The following CDH13 variants were observed in gnomAD, a reference collection of about 807,000 sequenced individuals.
The protein encoded by CDH13 is cadherin 13.
In CDH13, 24 loss-of-function variants were observed where a neutral mutation model predicts 63.8. The observed-to-expected ratio is 0.38, with a 90% CI of 0.27 to 0.53. The LOEUF (loss-of-function observed/expected upper bound fraction) is 0.53. Among genes scored for constraint, CDH13 ranks in the 20% least tolerant of loss-of-function variants. The pLI, the probability that CDH13 is intolerant of heterozygous loss-of-function variation, is 0.85. For synonymous variants in CDH13, 503 were observed against 355.3 expected (o/e 1.42, Z -4.67); for missense variants, 1,049 against 903.1 (o/e 1.16, Z -2.07).
chr16:82,741,540 TG>T (rs374731981), intron 1 of CDH13, among the ~76,000 whole-genome samples: 12 of 152,308 alleles, frequency 7.9e-5, no homozygotes, highest in Admixed American at 2.0e-4. Context: ...TCCTTGAAGA[TG>T]GGGGTCCATG....
At chr16:82,785,495 A>G (rs2035961103) in intron 1 of CDH13, among the ~76,000 whole-genome samples, 1 of 152,224 alleles carries the variant, frequency 6.6e-6, no homozygotes, top group Non-Finnish European at 1.5e-5. Flanking sequence ...TGTCCGCAGC[A>G]GGCAGTTCTA....
intron 1 of CDH13, among the ~76,000 whole-genome samples, chr16:82,652,458 T>C (rs1482795084): frequency 6.6e-6 from 1 of 152,234 alleles, no homozygotes; most frequent in Non-Finnish European, 1.5e-5. Context: ...GGTTTGAAGA[T>C]AGACAGGTGG....
chr16:82,904,734 T>TAACG (rs1379884636), intron 2 of CDH13, among the ~76,000 whole-genome samples: 1 of 152,156 alleles, frequency 6.6e-6, no homozygotes, highest in African/African-American at 2.4e-5. Context: ...GAAGCAGGTT[T>TAACG]AACGGGTGGT....
chr16:83,241,432 T>C (rs1311287096), intron 5 of CDH13, among the ~76,000 whole-genome samples: 1 of 152,248 alleles, frequency 6.6e-6, no homozygotes, highest in Admixed American at 6.5e-5. Context: ...GATTGTGCTA[T>C]TTTATATTCT....
chr16:82,881,852 C>T (rs143913126), intron 2 of CDH13, among the ~76,000 whole-genome samples: 1 of 152,130 alleles, frequency 6.6e-6, no homozygotes, highest in South Asian at 2.1e-4. Flanking sequence ...ACACCCAGGT[C>T]TCTTTCCAGA....
intron 5 of CDH13, among the ~76,000 whole-genome samples, chr16:83,282,252 C>G (rs547895424): frequency 3.3e-5 from 5 of 152,158 alleles, no homozygotes; most frequent in African/African-American, 9.6e-5. Flanking sequence ...TCATAAGAGA[C>G]ATAATAATAA....
At chr16:83,123,228 A>G (rs1157923794) in intron 3 of CDH13, among the ~76,000 whole-genome samples, 1 of 151,704 alleles carries the variant, frequency 6.6e-6, no homozygotes, top group Non-Finnish European at 1.5e-5. Flanking sequence ...ATACGTATAG[A>G]TATATTTACA....
intron 1 of CDH13, among the ~76,000 whole-genome samples, chr16:82,741,991 G>T (rs1390718660): frequency 6.6e-6 from 1 of 152,112 alleles, no homozygotes; most frequent in African/African-American, 2.4e-5. Flanking sequence ...GCTGATTATA[G>T]CATCATTTAT....
intron 3 of CDH13, among the ~76,000 whole-genome samples, chr16:83,033,811 G>C (rs889261396): frequency 6.6e-6 from 1 of 152,172 alleles, no homozygotes; most frequent in Non-Finnish European, 1.5e-5. Flanking sequence ...ACACACAGCA[G>C]GATTCCAGCC....
intron 1 of CDH13, among the ~76,000 whole-genome samples, chr16:82,842,147 T>C (rs796847146): frequency 0.027 from 576 of 21,310 alleles, 33 homozygotes; most frequent in Non-Finnish European, 0.041. Flanking sequence ...TACACATATA[T>C]ATATATATAT....
chr16:82,978,517 T>C (rs1909829087), intron 2 of CDH13, among the ~76,000 whole-genome samples: 1 of 152,240 alleles, frequency 6.6e-6, no homozygotes, highest in South Asian at 2.1e-4. Context: ...CTTGGTGCCC[T>C]GTGTCCCAGC....
At chr16:83,287,321 G>A (rs534477709) in intron 5 of CDH13, among the ~76,000 whole-genome samples, 2 of 152,248 alleles carry the variant, frequency 1.3e-5, no homozygotes, top group African/African-American at 4.8e-5. Context: ...CTCAACCACG[G>A]GCCACAGGCC....
At chr16:82,873,916 C>G (rs781180320) in intron 2 of CDH13, among the ~76,000 whole-genome samples, 1 of 152,118 alleles carries the variant, frequency 6.6e-6, no homozygotes, top group Non-Finnish European at 1.5e-5. Flanking sequence ...TGTTCTCCCC[C>G]ACCCCTGACC....
At chr16:83,246,852 C>T (rs1905044393) in intron 5 of CDH13, among the ~76,000 whole-genome samples, 1 of 152,192 alleles carries the variant, frequency 6.6e-6, no homozygotes, top group Non-Finnish European at 1.5e-5. Context: ...TCTCCTTTCC[C>T]TTCTACTCCA....
chr16:83,015,433 C>T (rs1025051281), intron 2 of CDH13, among the ~76,000 whole-genome samples: 1 of 151,316 alleles, frequency 6.6e-6, no homozygotes, highest in Admixed American at 6.6e-5. Flanking sequence ...AAAAAAGTGT[C>T]ATTCTTTTCT....
chr16:83,433,435 T>C (rs150332120), intron 6 of CDH13, among the ~76,000 whole-genome samples: 1 of 152,322 alleles, frequency 6.6e-6, no homozygotes, highest in African/African-American at 2.4e-5. Context: ...CTATCATTCA[T>C]TACTGGGAAA....
chr16:82,951,883 A>T (rs1389108195), intron 2 of CDH13, among the ~76,000 whole-genome samples: 5 of 152,178 alleles, frequency 3.3e-5, no homozygotes, highest in African/African-American at 1.2e-4. Flanking sequence ...GAGCCACAGA[A>T]GTGCAACAAA....
intron 7 of CDH13, among the ~76,000 whole-genome samples, chr16:83,524,445 C>CTTTTTTTTTTTTTTTTTTTTTTTTT: frequency 1.7e-5 from 1 of 59,278 alleles, no homozygotes; most frequent in Non-Finnish European, 2.9e-5. Flanking sequence ...TTTCTTTTTT[C>CTTTTTTTTTTTTTTTTTTTTTTTTT]TTTTTTTTTT....
chr16:83,289,457 A>G (rs1448124390), intron 5 of CDH13, among the ~76,000 whole-genome samples: 2 of 152,046 alleles, frequency 1.3e-5, no homozygotes, highest in Non-Finnish European at 2.9e-5. Flanking sequence ...AGATATTGAT[A>G]TTTTTTCAGC....
Sources: gnomAD v4.1 joint callset for allele counts (sites outside exome capture counted in the v4.1 genomes callset) on GRCh38, gnomAD v4.1.1 for gene constraint, MANE v1.5 for transcripts, NCBI Gene and HGNC (gene_info 2026-07-23, HGNC 2026-07-21) for gene names.